RAPGEF3: variants seen among roughly 807,000 people sequenced by gnomAD.
The protein encoded by RAPGEF3 is Rap guanine nucleotide exchange factor 3, also known as 9330170P05Rik.
In RAPGEF3, 103 loss-of-function variants were observed where a neutral mutation model predicts 129.8. The ratio of observed to expected loss-of-function variants is 0.79; its 90% confidence interval spans 0.68 to 0.93. The LOEUF is 0.93. Among genes scored for constraint, RAPGEF3 ranks in the 40% least tolerant of loss-of-function variants. The pLI is 0.00. For synonymous variants in RAPGEF3, 436 were observed against 482.6 expected (o/e 0.90, Z 1.26); for missense variants, 1,117 against 1,207.4 (o/e 0.93, Z 1.11).
At position 47,743,593 on chromosome 12, in the gene RAPGEF3, C is replaced by T. The variant is rs1453573601; in HGVS notation, c.1762G>A (p.Ala588Thr). 4 of 1,614,218 alleles carry T rather than the reference C, an allele frequency of 2.5e-6. No homozygotes were observed. The highest frequency in any genetic ancestry group is 3.3e-5 in the Admixed American group (2 of 60,028). The change falls in exon 18 of 28, where the codon GCG becomes ACG. Residue 588 changes from alanine (A) to threonine (T), a missense_variant. By Grantham distance (58) the Ala-to-Thr change is moderately conservative (BLOSUM62 0). Coordinates refer to ENST00000449771, the MANE Select transcript of RAPGEF3 (RefSeq NM_001098531.4). Reference sequence around the variant, plus strand: ...GTCCAGCCATCCTCCTGGGCCAACGCTGCCATCACCTCTCTCACGGAGGCT... The same window carrying T: ...GTCCAGCCATCCTCCTGGGCCAACGTTGCCATCACCTCTCTCACGGAGGCT... ...VTASVREVMAALAQEDGWTKG... is the reference protein window; with the variant it reads ...VTASVREVMATLAQEDGWTKG...
rs146922796 is a variant in RAPGEF3 at position 47,749,486 on chromosome 12, C to G, written c.945G>C (p.Leu315=). The G allele has an allele frequency of 1.8e-4, 296 of 1,612,802 alleles. No homozygotes were observed. The highest frequency in any genetic ancestry group is 4.0e-5 in the African/African-American group (3 of 74,910). Residue 315 remains leucine (L), a synonymous_variant, in exon 10 of 28, where the codon CTG becomes CTC. Transcript: ENST00000449771. This position sits in a 1 kb window ranked among gnomAD's most constrained non-coding sequence, Gnocchi z 4.5. The part of the protein sequence containing the change: ...HEGDDFGQLA[L]VNDAPRAATI... ...TGGCTGCCCGGGGTGCATCATTCACCAGAGCCAGCTGTCCAAAATCATCTC... is the reference window on the plus strand; with the variant it reads ...TGGCTGCCCGGGGTGCATCATTCACGAGAGCCAGCTGTCCAAAATCATCTC...
intron 23 of RAPGEF3, chr12:47,739,700 A>C (rs1034616549): frequency 2.8e-6 from 1 of 360,356 alleles, no homozygotes; most frequent in Non-Finnish European, 5.3e-6. Flanking sequence ...TCCACCCCCA[A>C]CTCTATCCTC....
At chr12:47,746,074 C>T (rs547234683) in intron 16 of RAPGEF3, 40 of 153,106 alleles carry the variant, frequency 2.6e-4, no homozygotes, top group East Asian at 3.9e-4. Context: ...GATAGGGAGA[C>T]GGGAGGGGGC....
At chr12:47,743,772 C>T in intron 17 of RAPGEF3, 96 bp from the exon 18 acceptor site, 1 of 1,510,732 alleles carries the variant, frequency 6.6e-7, no homozygotes, top group African/African-American at 1.4e-5. Context: ...GGAGGGATCC[C>T]CAAGAGGCTG....
Position 47,748,514 on chromosome 12 carries a change from T to C in RAPGEF3, c.1183A>G (p.Lys395Glu), listed in dbSNP as rs78160254. ...GCCTCCAACAGAAGCTCTAGGATCTTCTCTGGGGTGCCAGACATCACTGTA... is the reference window on the plus strand; with the variant it reads ...GCCTCCAACAGAAGCTCTAGGATCTCCTCTGGGGTGCCAGACATCACTGTA... ...RYTVMSGTPEKILELLLEAMG... is the reference protein window; with the variant it reads ...RYTVMSGTPEEILELLLEAMG... Residue 395 changes from lysine to glutamate, a missense_variant, in exon 12 of 28, where the codon AAG becomes GAG. By Grantham distance (56) the Lys-to-Glu change is moderately conservative. Transcript: ENST00000449771. 536 of 1,613,952 alleles carry C rather than the reference T, an allele frequency of 3.3e-4. 9 individuals are homozygous for C. The East Asian group carries it at 0.012, about 35-fold the overall frequency.
Position 47,751,088 on chromosome 12 carries a change from G to C in RAPGEF3, c.631C>G (p.Arg211Gly). ...LAEAVALLSQ[R>G]GPDALLTVAL... Reference sequence around the variant, plus strand: ...ACAGTGAGCAGGGCGTCAGGCCCCCGCTGGGAGAGCAGGGCCACAGCTTCG... The same window carrying C: ...ACAGTGAGCAGGGCGTCAGGCCCCCCCTGGGAGAGCAGGGCCACAGCTTCG... The change falls in exon 6 of 28, where the codon CGG becomes GGG. Residue 211 changes from arginine to glycine, a missense_variant. Arg to Gly is a moderately radical substitution (Grantham distance 125, BLOSUM62 -2). Transcript: ENST00000449771. The C allele has an allele frequency of 6.3e-7, 1 of 1,593,074 alleles. No homozygotes were observed. The highest frequency in any genetic ancestry group is 8.5e-7 in the Non-Finnish European group (1 of 1,170,678).
chr12:47,748,610 A>G (rs964502429), intron 11 of RAPGEF3, 68 bp from the exon 12 acceptor site: 2 of 1,368,006 alleles, frequency 1.5e-6, no homozygotes, highest in African/African-American at 2.9e-5. Flanking sequence ...GGCAGACATC[A>G]ATAATCAATT....
intron 1 of RAPGEF3, 119 bp downstream of exon 1, chr12:47,758,432 C>A: frequency 1.9e-6 from 3 of 1,561,884 alleles, no homozygotes; most frequent in Admixed American, 1.9e-5. Flanking sequence ...GGCTTAAACC[C>A]TTCTCCTCTC....
At chr12:47,741,904 C>A in intron 18 of RAPGEF3, 1 of 407,504 alleles carries the variant, frequency 2.5e-6, no homozygotes, top group Non-Finnish European at 4.5e-6. Flanking sequence ...AAGACTTGCC[C>A]CAACTATTTC....
intron 7 of RAPGEF3, 106 bp downstream of exon 7, chr12:47,750,235 G>T: frequency 7.8e-7 from 1 of 1,278,158 alleles, no homozygotes; most frequent in Non-Finnish European, 1.1e-6. Context: ...TCCAGCCATA[G>T]ATGGAAGTGG....
intron 2 of RAPGEF3, among the ~76,000 whole-genome samples, chr12:47,755,268 T>C (rs1371206229): frequency 6.6e-6 from 1 of 152,200 alleles, no homozygotes; most frequent in African/African-American, 2.4e-5. Flanking sequence ...ATCTATAAAA[T>C]GGAGATGATG....
Position 47,740,312 on chromosome 12 carries a change from G to T in RAPGEF3, c.2315C>A (p.Thr772Asn). 6.2e-7 allele frequency: 1 copy of T among 1,614,080 alleles called. No individual in the cohort carries two copies. ...SNSAISRLAH[T>N]WERLPHKVRK... ...CCTCCAGACCACACTTACCTCCCAG[G>T]TGTGGGCTAGGCGGCTGATGGCCGA... Residue 772 changes from threonine (T) to asparagine (N), a missense_variant, in exon 22 of 28, where the codon ACC becomes AAC. Around this residue, in one of 3 missense-constraint regions of RAPGEF3, gnomAD observed 643 missense variants for 673.4 expected, o/e 0.95. Transcript: ENST00000449771.
Position 47,741,040 on chromosome 12 carries a change from T to C in RAPGEF3, c.1924A>G (p.Ile642Val), listed in dbSNP as rs143474061. The C allele has an allele frequency of 3.7e-6, 6 of 1,612,108 alleles. No individual in the cohort carries two copies. In the African/African-American group the frequency reaches 4.0e-5, roughly 11 times the overall value. ...GGCCCCAGCTGGTCAGGGTGTGGGA[T>C]CTGCGGGTGGGAGAGTGCTCAGGGG... The part of the protein sequence containing the change: ...VVNPQEVHEL[I>V]PHPDQLGPTV... The change falls in exon 20 of 28, where the codon ATC becomes GTC. Residue 642 changes from isoleucine to valine, a missense_variant and splice_region_variant. Coordinates refer to ENST00000449771, the MANE Select transcript of RAPGEF3 (RefSeq NM_001098531.4).
At chr12:47,752,974 C>T (rs1409775459) in intron 2 of RAPGEF3, among the ~76,000 whole-genome samples, 2 of 152,204 alleles carry the variant, frequency 1.3e-5, no homozygotes, top group Non-Finnish European at 2.9e-5. Context: ...AAGCCCCTCA[C>T]GACCCTTCTC....
rs1565771801 is a variant in RAPGEF3 at position 47,757,930 on chromosome 12, CG to C, written c.154del (p.Arg52GlufsTer117). 1.3e-6 allele frequency: 2 copies of C among 1,556,782 alleles called. No individual in the cohort carries two copies. Among genetic ancestry groups the C allele is most frequent in the Middle Eastern group, 3.6e-4 (2 of 5,498 alleles). On this transcript the variant is annotated frameshift_variant, in exon 2 of 28. Transcript: ENST00000449771. LOFTEE classifies it high-confidence loss of function. The stretch of plus-strand genomic sequence containing the variant: ...CAGCAGCAGCTGGTAGGAGCAGCTT[CG>C]GGGCCGGTGCATCCTTCTCAACACC... ...NMVLRRMHRPRSCSYQLLLEH... is the reference protein window; with the variant it reads ...NMVLRRMHRPXSCSYQLLLEH...
chr12:47,756,969 A>G (rs1285851893), intron 2 of RAPGEF3, among the ~76,000 whole-genome samples: 1 of 150,854 alleles, frequency 6.6e-6, no homozygotes, highest in Non-Finnish European at 1.5e-5. Flanking sequence ...CTCTGGTTAA[A>G]AAAAAAAAAA....
rs771106493 is a variant in RAPGEF3, at chr12:47,740,210, T to G, written c.2323-19A>C. On this transcript the variant is annotated intron_variant, in intron 22 of 27. Transcript: ENST00000449771. ...GCAGCCGCTGTGAAAAGGAGGCAGA[T>G]GAGCGGCTGCTCTGGGGGAGGCCCA... The G allele has an allele frequency of 1.9e-6, 3 of 1,613,612 alleles. No individual in the cohort carries two copies. Among genetic ancestry groups the G allele is most frequent in the Non-Finnish European group, 2.5e-6 (3 of 1,179,830 alleles).
Position 47,749,579 on chromosome 12 carries a change from C to T in RAPGEF3, c.895-43G>A, listed in dbSNP as rs1382545493. On this transcript the variant is annotated intron_variant, in intron 9 of 27. Transcript: ENST00000449771. This position sits in a 1 kb window ranked among gnomAD's most constrained non-coding sequence, Gnocchi z 4.5. ...TCTCAGCCCGCCCCTGCCGCCCCTG[C>T]CGCCCCCAGCTCTTGCCAGGACAGA... 6.4e-7 allele frequency: 1 copy of T among 1,557,146 alleles called. No homozygotes were observed. The highest frequency in any genetic ancestry group is 1.2e-5 in the South Asian group (1 of 86,532).
Position 47,749,127 on chromosome 12 carries a change from TC to T in RAPGEF3, c.1042-197del. ...GCATCCTGCCTCCCCCACAGCCTAGTCCCCCGCCCCCTGCATGCCCATCCTT... is the reference window on the plus strand; with the variant it reads ...GCATCCTGCCTCCCCCACAGCCTAGTCCCCGCCCCCTGCATGCCCATCCTT... On this transcript the variant is annotated intron_variant, in intron 10 of 27. Transcript: ENST00000449771. The surrounding 1 kb of genome is among the most constrained non-coding windows in gnomAD (Gnocchi z 4.5). 1 of 635,498 alleles carries T rather than the reference TC, an allele frequency of 1.6e-6. No individual in the cohort carries two copies. The highest frequency in any genetic ancestry group is 2.7e-6 in the Non-Finnish European group (1 of 365,324). The allele number at this position is 635,498 out of a possible 1,614,324, so 39.4% of individuals were successfully genotyped here. A position where few individuals can be genotyped will look rare whatever the true frequency, so the allele number is the denominator to read the frequency against.
Sources: allele counts gnomAD v4.1 joint callset (sites outside exome capture counted in the v4.1 genomes callset), GRCh38; gene constraint gnomAD v4.1.1; regional missense constraint gnomAD v4.1.1; non-coding constraint Gnocchi (gnomAD v3.1); transcripts MANE v1.5; gene names NCBI Gene and HGNC (gene_info 2026-07-23, HGNC 2026-07-21).